The following MSANTD2 variants were observed in gnomAD, a reference collection of about 807,000 sequenced individuals.
The protein encoded by MSANTD2 is Myb/SANT DNA binding domain containing 2, also known as myb/SANT-like DNA-binding domain-containing protein 2.
MSANTD2 carries 19 observed loss-of-function variants against 52.6 expected under a neutral mutation model. That is an observed-to-expected ratio of 0.36 (90% CI 0.25 to 0.53). The LOEUF is 0.53. Among genes scored for constraint, MSANTD2 ranks in the 20% least tolerant of loss-of-function variants. The probability of loss-of-function intolerance (pLI) is 0.91; values close to 1 mark genes in which losing one functional copy is unlikely to be tolerated. For synonymous variants in MSANTD2, 291 were observed against 289.7 expected (o/e 1.00, Z -0.04); for missense variants, 558 against 716.3 (o/e 0.78, Z 2.52).
intron 1 of MSANTD2, among the ~76,000 whole-genome samples, chr11:124,787,924 T>A (rs988776875): frequency 2.0e-5 from 3 of 151,758 alleles, no homozygotes; most frequent in African/African-American, 4.8e-5. Flanking sequence ...CAAAACCCCA[T>A]CTCTACAAAA....
intron 1 of MSANTD2, among the ~76,000 whole-genome samples, chr11:124,782,304 A>G (rs1265444571): frequency 6.8e-6 from 1 of 147,906 alleles, no homozygotes; most frequent in Admixed American, 6.6e-5. Context: ...AAAAAAAATT[A>G]GTCTGGGTGT....
At chr11:124,772,964 A>G in intron 3 of MSANTD2, 30 bp downstream of exon 3, 1 of 1,397,392 alleles carries the variant, frequency 7.2e-7, no homozygotes, top group Non-Finnish European at 1.0e-6. Flanking sequence ...AGGCAGACAC[A>G]CTTTCTGGAA....
intron 1 of MSANTD2, among the ~76,000 whole-genome samples, chr11:124,788,157 C>T (rs1945220108): frequency 6.6e-6 from 1 of 150,974 alleles, no homozygotes; most frequent in African/African-American, 2.4e-5. Flanking sequence ...GTGACTAACA[C>T]ACTGACATAT....
At chr11:124,797,305 T>TA (rs1945526575) in intron 1 of MSANTD2, among the ~76,000 whole-genome samples, 1 of 152,128 alleles carries the variant, frequency 6.6e-6, no homozygotes, top group South Asian at 2.1e-4. Context: ...GGCAACACAG[T>TA]GAGACCCTGC....
intron 1 of MSANTD2, among the ~76,000 whole-genome samples, chr11:124,793,073 G>A (rs1050716722): frequency 6.6e-5 from 10 of 152,132 alleles, no homozygotes; most frequent in African/African-American, 2.4e-4. Context: ...TTTAATAATT[G>A]ATGGAGGCAA....
rs905480247 is a variant in MSANTD2, at chr11:124,781,199, A to AG, written c.511-6226_511-6225insC. ...TCTCTGTCTCAAAAAAAAAAAAAAA[A>AG]AAAGTGAAAGCATACAACGATATTA... On this transcript the variant is annotated intron_variant, in intron 1 of 3. Coordinates refer to ENST00000374979, the MANE Select transcript of MSANTD2 (RefSeq NM_001308027.2). 3.2e-4 allele frequency among the ~76,000 whole-genome samples: 48 copies of AG among 152,220 alleles called. No individual in the cohort carries two copies. In the East Asian group the frequency reaches 7.5e-3, roughly 24 times the overall value.
chr11:124,784,623 T>G (rs887696265), intron 1 of MSANTD2: 1 of 984,856 alleles, frequency 1.0e-6, no homozygotes, highest in African/African-American at 1.7e-5. Flanking sequence ...CCTGAAGCAG[T>G]AGGCCACTTT....
At chr11:124,796,196 T>C (rs769897580) in intron 1 of MSANTD2, among the ~76,000 whole-genome samples, 3 of 152,202 alleles carry the variant, frequency 2.0e-5, no homozygotes, top group Non-Finnish European at 4.4e-5. Flanking sequence ...TTTTACTGTA[T>C]AGATAAGAGG....
intron 1 of MSANTD2, among the ~76,000 whole-genome samples, chr11:124,798,307 G>C (rs1315764261): frequency 1.3e-5 from 2 of 151,122 alleles, no homozygotes; most frequent in Non-Finnish European, 2.9e-5. Flanking sequence ...CCTAGCTACT[G>C]GGGAGGATTG....
rs187389755 is a variant in MSANTD2 at position 124,783,871 on chromosome 11, A to C, written c.511-8897T>G. 61 of 985,382 alleles carry C rather than the reference A, an allele frequency of 6.2e-5. No individual in the cohort carries two copies. In the African/African-American group the frequency reaches 1.0e-3, roughly 17 times the overall value. 61.0% of individuals were successfully genotyped at this position (985,382 alleles called of 1,614,324 possible). ...ATGTAACCATAAAGCTTCTGACCCT[A>C]TGCTATGTGTGCTTCTCATGGACAC... On this transcript the variant is annotated intron_variant, in intron 1 of 3. Coordinates refer to ENST00000374979, the MANE Select transcript of MSANTD2 (RefSeq NM_001308027.2).
At chr11:124,791,577 A>C in intron 1 of MSANTD2, 1 of 1,357,334 alleles carries the variant, frequency 7.4e-7, no homozygotes, top group Non-Finnish European at 1.0e-6. Context: ...CTGAGCTGCC[A>C]GTCTCCGAGG....
intron 3 of MSANTD2, among the ~76,000 whole-genome samples, chr11:124,768,253 A>C (rs1303808108): frequency 6.6e-6 from 1 of 152,200 alleles, no homozygotes; most frequent in African/African-American, 2.4e-5. Flanking sequence ...GTAAGTCTAG[A>C]CAATCAACCT....
At position 124,791,660 on chromosome 11, in the gene MSANTD2, G is replaced by GGT. The variant is rs1356334106; in HGVS notation, c.510+8209_510+8210dup. On this transcript the variant is annotated intron_variant, in intron 1 of 3. Coordinates refer to ENST00000374979, the MANE Select transcript of MSANTD2 (RefSeq NM_001308027.2). ...CCAGACTTTCTTTGCACCAGCATTT[G>GGT]GTGAGGGCATTTCTGGAGACAGGCA... 9.9e-6 allele frequency: 14 copies of GGT among 1,408,458 alleles called. No individual in the cohort carries two copies. The African/African-American group carries it at 2.0e-4, about 20-fold the overall frequency. The allele number at this position is 1,408,458 out of a possible 1,614,324, so 87.2% of individuals were successfully genotyped here.
chr11:124,800,108 A>C lies in MSANTD2; in HGVS notation c.273T>G (p.Ala91=). The part of the protein sequence containing the change: ...SFSPGGGGGG[A]AAAAAAACRG... ...GGCAGGCGGCGGCGGCGGCTGCCGC[A>C]GCCCCGCCACCGCCGCCACCAGGGG... Residue 91 remains alanine (A), a synonymous_variant, in exon 1 of 4, where the codon GCT becomes GCG. Coordinates refer to ENST00000374979, the MANE Select transcript of MSANTD2 (RefSeq NM_001308027.2). This position sits in a 1 kb window ranked among gnomAD's most constrained non-coding sequence, Gnocchi z 4.3. 6.7e-7 allele frequency: 1 copy of C among 1,481,860 alleles called. No individual in the cohort carries two copies. The highest frequency in any genetic ancestry group is 1.3e-5 in the South Asian group (1 of 77,892). The allele number at this position is 1,481,860 out of a possible 1,614,324, so 91.8% of individuals were successfully genotyped here. A position where few individuals can be genotyped will look rare whatever the true frequency, so the allele number is the denominator to read the frequency against.
Position 124,779,366 on chromosome 11 carries a change from A to G in MSANTD2, c.511-4392T>C, listed in dbSNP as rs1944865607. On this transcript the variant is annotated intron_variant, in intron 1 of 3. Transcript: ENST00000374979. This position sits in a 1 kb window ranked among gnomAD's most constrained non-coding sequence, Gnocchi z 4.6. Reference sequence around the variant, plus strand: ...ATTCTTCCCTGGTAGGGCAAAGTAGAAAACAAACTAAATAAATCATAAAGG... The same window carrying G: ...ATTCTTCCCTGGTAGGGCAAAGTAGGAAACAAACTAAATAAATCATAAAGG... Among the ~76,000 whole-genome samples the G allele has an allele frequency of 6.6e-6, 1 of 152,224 alleles. No individual in the cohort carries two copies. Among genetic ancestry groups the G allele is most frequent in the Non-Finnish European group, 1.5e-5 (1 of 68,028 alleles).
intron 1 of MSANTD2, among the ~76,000 whole-genome samples, chr11:124,783,110 G>A (rs1357741495): frequency 2.0e-5 from 3 of 152,196 alleles, no homozygotes; most frequent in Non-Finnish European, 2.9e-5. Context: ...GGAAAGACTC[G>A]ATTGCTTTCT....
At chr11:124,791,360 A>G in intron 1 of MSANTD2, 1 of 1,386,302 alleles carries the variant, frequency 7.2e-7, no homozygotes, top group Middle Eastern at 1.9e-4. Flanking sequence ...TGAATGTGCA[A>G]GACAAACAAG....
chr11:124,774,634 T>G lies in MSANTD2; in HGVS notation c.766+85A>C. ...ACTATAGGGAACAGTACCAAAGATA[T>G]TTACAGGTAATAAGTACTGGTGCAC... On this transcript the variant is annotated intron_variant, in intron 2 of 3. Coordinates refer to ENST00000374979, the MANE Select transcript of MSANTD2 (RefSeq NM_001308027.2). This position sits in a 1 kb window ranked among gnomAD's most constrained non-coding sequence, Gnocchi z 5.1. 1 of 1,366,456 alleles carries G rather than the reference T, an allele frequency of 7.3e-7. No individual in the cohort carries two copies. Among genetic ancestry groups the G allele is most frequent in the South Asian group, 1.3e-5 (1 of 76,534 alleles). The allele number at this position is 1,366,456 out of a possible 1,614,324, so 84.6% of individuals were successfully genotyped here. A position where few individuals can be genotyped will look rare whatever the true frequency, so the allele number is the denominator to read the frequency against.
intron 1 of MSANTD2, chr11:124,791,826 G>A (rs970311462): frequency 1.0e-5 from 5 of 502,010 alleles, no homozygotes; most frequent in Admixed American, 6.1e-5. Flanking sequence ...ATTGTGTTAG[G>A]TGCATTCACT....
Sources: allele counts gnomAD v4.1 joint callset (sites outside exome capture counted in the v4.1 genomes callset), GRCh38; gene constraint gnomAD v4.1.1; non-coding constraint Gnocchi (gnomAD v3.1); transcripts MANE v1.5; gene names NCBI Gene and HGNC (gene_info 2026-07-23, HGNC 2026-07-21).